The following EFCAB8 variants were observed in gnomAD, a reference collection of about 807,000 sequenced individuals.
The protein encoded by EFCAB8 is EF-hand calcium-binding domain-containing protein 8.
In EFCAB8, 100 loss-of-function variants were observed where a neutral mutation model predicts 116.3. The observed-to-expected ratio is 0.86, with a 90% CI of 0.73 to 1.02. The LOEUF is 1.02. Among genes scored for constraint, EFCAB8 ranks in the 50% least tolerant of loss-of-function variants. The pLI is 0.00. For missense variants in EFCAB8, 1,320 were observed against 1,416.9 expected (o/e 0.93, Z 1.10); for synonymous variants, 558 against 567.9 (o/e 0.98, Z 0.25).
At chr20:32,885,473 TGGGC>T (rs1217647857) in intron 5 of EFCAB8, 28 bp from the exon 6 acceptor site, 1 of 1,550,826 alleles carries the variant, frequency 6.4e-7, no homozygotes, top group African/African-American at 1.4e-5. Context: ...TGTTTTTGCT[TGGGC>T]TCTTCTCTCT....
At chr20:32,942,499 C>G (rs1321505177) in intron 22 of EFCAB8, among the ~76,000 whole-genome samples, 2 of 150,826 alleles carry the variant, frequency 1.3e-5, no homozygotes, top group Non-Finnish European at 1.5e-5. Flanking sequence ...CCAGCCTGGG[C>G]AACATAGTGA....
At chr20:32,873,114 A>G (rs1421606842) in intron 3 of EFCAB8, among the ~76,000 whole-genome samples, 1 of 152,136 alleles carries the variant, frequency 6.6e-6, no homozygotes, top group Admixed American at 6.5e-5. Context: ...ACAAAACAAA[A>G]CAGAATACTA....
chr20:32,916,941 C>G, intron 17 of EFCAB8: 1 of 203,440 alleles, frequency 4.9e-6, no homozygotes, highest in Non-Finnish European at 1.0e-5. Context: ...GATGAGCATT[C>G]CAGGCAGAAG....
intron 5 of EFCAB8, among the ~76,000 whole-genome samples, chr20:32,883,715 G>A (rs1408644833): frequency 6.6e-6 from 1 of 151,678 alleles, no homozygotes; most frequent in East Asian, 1.9e-4. Flanking sequence ...TTTGGAGACG[G>A]AGTCTCACTC....
At chr20:32,879,749 C>T (rs1985215499) in intron 5 of EFCAB8, among the ~76,000 whole-genome samples, 1 of 152,164 alleles carries the variant, frequency 6.6e-6, no homozygotes, top group South Asian at 2.1e-4. Context: ...TGTCTTTGGG[C>T]ACCCCTCACA....
chr20:32,871,359 G>C (rs556467035), intron 3 of EFCAB8, among the ~76,000 whole-genome samples: 1 of 151,478 alleles, frequency 6.6e-6, no homozygotes, highest in Non-Finnish European at 1.5e-5. Flanking sequence ...CTGAAGCCTC[G>C]ACCTCCTGGG....
intron 9 of EFCAB8, among the ~76,000 whole-genome samples, chr20:32,895,234 C>T (rs532942261): frequency 2.0e-5 from 3 of 152,202 alleles, no homozygotes; most frequent in South Asian, 2.1e-4. Context: ...TTTCAGCAGC[C>T]GGGAGATGCT....
At chr20:32,887,109 G>C (rs576378508) in intron 6 of EFCAB8, among the ~76,000 whole-genome samples, 178 of 152,264 alleles carry the variant, frequency 1.2e-3, no homozygotes, top group African/African-American at 4.1e-3. Context: ...TGTGCTCTTG[G>C]TGCTCTCTGA....
At chr20:32,884,619 C>T (rs1985513247) in intron 5 of EFCAB8, among the ~76,000 whole-genome samples, 1 of 152,312 alleles carries the variant, frequency 6.6e-6, no homozygotes, top group African/African-American at 2.4e-5. Context: ...CAGGGTCAGA[C>T]CAGGCCTACC....
At position 32,906,886 on chromosome 20, in the gene EFCAB8, T is replaced by G. The variant is rs1047591764; in HGVS notation, c.1200T>G (p.Phe400Leu). The change falls in exon 13 of 27, where the codon TTT becomes TTG. Residue 400 changes from phenylalanine (F) to leucine (L), a missense_variant. Coordinates refer to ENST00000400522, the MANE Select transcript of EFCAB8 (RefSeq NM_001143967.2). ...YDAFIRLWNPFVSKRPVWLMK... is the reference protein window; with the variant it reads ...YDAFIRLWNPLVSKRPVWLMK... ...CCTTCATCCGCCTGTGGAACCCCTTTGTCTCAAAGAGGCCCGTGTGGCTGA... is the reference window on the plus strand; with the variant it reads ...CCTTCATCCGCCTGTGGAACCCCTTGGTCTCAAAGAGGCCCGTGTGGCTGA... 4 of 1,550,300 alleles carry G rather than the reference T, an allele frequency of 2.6e-6. No homozygotes were observed. The African/African-American group carries it at 5.5e-5, about 21-fold the overall frequency.
At chr20:32,866,440 C>T (rs1374288039) in intron 2 of EFCAB8, among the ~76,000 whole-genome samples, 2 of 151,874 alleles carry the variant, frequency 1.3e-5, no homozygotes, top group African/African-American at 2.4e-5. Flanking sequence ...GCTTTGGTGA[C>T]CTGACACATT....
At chr20:32,896,557 A>G (rs1986170095) in intron 10 of EFCAB8, 30 bp downstream of exon 10, 1 of 718,140 alleles carries the variant, frequency 1.4e-6, no homozygotes, top group South Asian at 1.5e-5. Flanking sequence ...GGCCTGTTAC[A>G]ATGGTAATTA....
intron 4 of EFCAB8, among the ~76,000 whole-genome samples, 194 bp from the exon 5 acceptor site, chr20:32,878,510 T>C (rs943370879): frequency 4.2e-5 from 6 of 143,880 alleles, no homozygotes; most frequent in African/African-American, 1.3e-4. Context: ...CTTGAGTTCT[T>C]TTTTTTTTTT....
chr20:32,905,279 G>A (rs969602333), intron 11 of EFCAB8, among the ~76,000 whole-genome samples: 1 of 152,212 alleles, frequency 6.6e-6, no homozygotes, highest in Non-Finnish European at 1.5e-5. Flanking sequence ...CAAGAGAAAA[G>A]CATGCACATT....
At chr20:32,940,978 G>T (rs1401504758) in intron 22 of EFCAB8, among the ~76,000 whole-genome samples, 1 of 149,758 alleles carries the variant, frequency 6.7e-6, no homozygotes, top group East Asian at 1.9e-4. Context: ...AGCTGGCCAG[G>T]TACGGTGGCT....
chr20:32,961,266 A>G lies in EFCAB8; in HGVS notation c.3524A>G (p.Lys1175Arg). ...CGCCTGGTGGCCCACCATGTCCAGAAGGACCTGGTGCCCAGCAGGGAGCAG... is the reference window on the plus strand; with the variant it reads ...CGCCTGGTGGCCCACCATGTCCAGAGGGACCTGGTGCCCAGCAGGGAGCAG... ...HIRLVAHHVQKDLVPSREQAV... is the reference protein window; with the variant it reads ...HIRLVAHHVQRDLVPSREQAV... Residue 1175 changes from lysine (K) to arginine (R), a missense_variant, in exon 27 of 27, where the codon AAG (lysine) becomes AGG (arginine). By Grantham distance (26) the Lys-to-Arg change is conservative (BLOSUM62 2). Transcript: ENST00000400522. The G allele has an allele frequency of 6.4e-7, 1 of 1,551,004 alleles. No homozygotes were observed. Among genetic ancestry groups the G allele is most frequent in the African/African-American group, 1.4e-5 (1 of 73,146 alleles).
rs547114170 is a variant in EFCAB8 at position 32,902,878 on chromosome 20, G to A, written c.1089-3684G>A. On this transcript the variant is annotated intron_variant, in intron 11 of 26. Transcript: ENST00000400522. ...GAGCCAGGAGCAAATCTGACGGAGC[G>A]GGTGTGGTAGCAGGAGCCGGTGCTG... Among the ~76,000 whole-genome samples, 244 of 152,280 alleles carry A rather than the reference G, an allele frequency of 1.6e-3. 2 individuals are homozygous for A. The highest frequency in any genetic ancestry group is 6.8e-3 in the Middle Eastern group (2 of 294).
Position 32,911,612 on chromosome 20 carries a change from T to C in EFCAB8, c.1690T>C (p.Cys564Arg). Residue 564 changes from cysteine to arginine, a missense_variant, in exon 16 of 27, where the codon TGC becomes CGC. Physicochemically the swap from Cys to Arg is radical, Grantham distance 180. Coordinates refer to ENST00000400522, the MANE Select transcript of EFCAB8 (RefSeq NM_001143967.2). ...CATGGCCCTGGATGAGTCAGAGCGGTGCCTGCTCACAGGTTTGCGGGATGG... is the reference window on the plus strand; with the variant it reads ...CATGGCCCTGGATGAGTCAGAGCGGCGCCTGCTCACAGGTTTGCGGGATGG... ...TAMALDESER[C>R]LLTGLRDGTM... 1 of 1,551,620 alleles carries C rather than the reference T, an allele frequency of 6.4e-7. No individual in the cohort carries two copies. Among genetic ancestry groups the C allele is most frequent in the Non-Finnish European group, 8.7e-7 (1 of 1,146,956 alleles).
Position 32,911,402 on chromosome 20 carries a change from C to T in EFCAB8, c.1558-78C>T, listed in dbSNP as rs1240257058. ...TTTCTCAGTGGATGGAGGGGAGGGGCCAAGGCAGGCTGGAGACCACCCTTG... is the reference window on the plus strand; with the variant it reads ...TTTCTCAGTGGATGGAGGGGAGGGGTCAAGGCAGGCTGGAGACCACCCTTG... On this transcript the variant is annotated intron_variant, in intron 15 of 26. Transcript: ENST00000400522. 8 of 1,311,828 alleles carry T rather than the reference C, an allele frequency of 6.1e-6. No homozygotes were observed. In the East Asian group the frequency reaches 1.1e-4, roughly 17 times the overall value. The allele number at this position is 1,311,828 out of a possible 1,614,324, so 81.3% of individuals were successfully genotyped here. A position where few individuals can be genotyped will look rare whatever the true frequency, so the allele number is the denominator to read the frequency against.
Sources: gnomAD v4.1 joint callset for allele counts (sites outside exome capture counted in the v4.1 genomes callset) on GRCh38, gnomAD v4.1.1 for gene constraint, MANE v1.5 for transcripts, NCBI Gene and HGNC (gene_info 2026-07-23, HGNC 2026-07-21) for gene names.